Variants in TTLL6 observed in about 807,000 individuals in gnomAD.
TTLL6 encodes the protein tubulin tyrosine ligase like 6.
A neutral mutation model predicts 96.4 loss-of-function variants in TTLL6; 75 were observed. The observed-to-expected ratio is 0.78, with a 90% CI of 0.65 to 0.94. The LOEUF (loss-of-function observed/expected upper bound fraction) is 0.94. Ranked by LOEUF, TTLL6 falls within the 40% of genes least tolerant of loss-of-function variation. The pLI, the probability that TTLL6 is intolerant of heterozygous loss-of-function variation, is 0.00. For missense variants in TTLL6, 1,030 were observed against 1,093.0 expected (o/e 0.94, Z 0.81); for synonymous variants, 411 against 419.4 (o/e 0.98, Z 0.24).
chr17:48,769,326 C>T, intron 14 of TTLL6, 72 bp from the exon 15 acceptor site: 1 of 1,514,388 alleles, frequency 6.6e-7, no homozygotes, highest in East Asian at 2.3e-5. Context: ...GTGAAGACCA[C>T]CTCCCAGTAG....
At chr17:48,780,559 G>A (rs2038966336) in intron 13 of TTLL6, among the ~76,000 whole-genome samples, 1 of 152,196 alleles carries the variant, frequency 6.6e-6, no homozygotes, top group African/African-American at 2.4e-5. Context: ...TCTATATGTA[G>A]TAGTGTTAAC....
chr17:48,787,811 C>T lies in TTLL6; in HGVS notation c.1589G>A (p.Arg530Gln), dbSNP rs374777398. The change falls in exon 11 of 16, where the codon CGG (arginine) becomes CAG (glutamine). Residue 530 changes from arginine (R) to glutamine (Q), a missense_variant and splice_region_variant. Arg to Gln is a conservative substitution (Grantham distance 43). Transcript: ENST00000393382. Reference protein sequence around the residue: ...VASRAREEYARQLIQELRLKR... With the variant: ...VASRAREEYAQQLIQELRLKR... The stretch of plus-strand genomic sequence containing the variant: ...GACCTCATCCCGGATGTCTTCCTAC[C>T]GGGCATACTCCTCCCGAGCCCTGGA... 3.2e-5 allele frequency: 52 copies of T among 1,612,870 alleles called. No homozygotes were observed. The highest frequency in any genetic ancestry group is 6.7e-5 in the African/African-American group (5 of 74,914).
chr17:48,802,803 G>C (rs1427475806), intron 3 of TTLL6, among the ~76,000 whole-genome samples: 1 of 151,880 alleles, frequency 6.6e-6, no homozygotes. Flanking sequence ...CCCGGGAGGC[G>C]AAGGTTGCAG....
At chr17:48,810,941 C>T (rs2039582033) in intron 1 of TTLL6, among the ~76,000 whole-genome samples, 1 of 148,890 alleles carries the variant, frequency 6.7e-6, no homozygotes, top group African/African-American at 2.5e-5. Flanking sequence ...TTCCTTCATG[C>T]CAGCAATCAA....
At chr17:48,779,638 CCAAA>C (rs1056748279) in intron 13 of TTLL6, among the ~76,000 whole-genome samples, 1 of 151,976 alleles carries the variant, frequency 6.6e-6, no homozygotes, top group Non-Finnish European at 1.5e-5. Context: ...AAATAAACAA[CCAAA>C]CAAACAAAAA....
chr17:48,769,006 C>A lies in TTLL6; in HGVS notation c.2659G>T (p.Gly887Ter), dbSNP rs149164998. Residue 887 changes from glycine to a stop codon, truncating the protein, a stop_gained, in exon 15 of 16, where the codon GGA (glycine) becomes TGA (stop). Coordinates refer to ENST00000393382, the MANE Select transcript of TTLL6 (RefSeq NM_001130918.3). LOFTEE classifies it high-confidence loss of function. The part of the protein sequence containing the change: ...YSHCLISGQK[G>*]CERS Reference sequence around the variant, plus strand: ...GGGCCTACCTAGCTCCTCTCACATCCTTTTTGGCCAGAGATCAGGCAATGG... The same window carrying A: ...GGGCCTACCTAGCTCCTCTCACATCATTTTTGGCCAGAGATCAGGCAATGG... 1 of 1,613,978 alleles carries A rather than the reference C, an allele frequency of 6.2e-7. No homozygotes were observed. Among genetic ancestry groups the A allele is most frequent in the African/African-American group, 1.3e-5 (1 of 74,926 alleles).
intron 13 of TTLL6, among the ~76,000 whole-genome samples, chr17:48,784,594 A>T (rs2039051661): frequency 6.6e-6 from 1 of 152,154 alleles, no homozygotes; most frequent in African/African-American, 2.4e-5. Context: ...GGTCCTGCCA[A>T]CACCTTGGTT....
intron 13 of TTLL6, among the ~76,000 whole-genome samples, chr17:48,783,563 C>T (rs1001291547): frequency 1.3e-5 from 2 of 152,042 alleles, no homozygotes; most frequent in African/African-American, 4.8e-5. Flanking sequence ...TCCCAAGTAG[C>T]TGAAATTACA....
At chr17:48,814,080 A>C (rs550565711) in intron 1 of TTLL6, among the ~76,000 whole-genome samples, 109 of 152,280 alleles carry the variant, frequency 7.2e-4, no homozygotes, top group African/African-American at 1.9e-3. Flanking sequence ...GCACTTTGGG[A>C]GGCCAAGGCA....
At chr17:48,772,124 A>G (rs2038759982) in intron 13 of TTLL6, among the ~76,000 whole-genome samples, 2 of 151,882 alleles carry the variant, frequency 1.3e-5, no homozygotes, top group African/African-American at 4.8e-5. Context: ...TATGCAAAAA[A>G]AGAAAAGAAA....
intron 6 of TTLL6, 104 bp downstream of exon 6, chr17:48,799,500 A>G: frequency 1.6e-6 from 2 of 1,255,988 alleles, no homozygotes; most frequent in Non-Finnish European, 2.2e-6. Context: ...GGTCAGCTCC[A>G]CCTCCACCTT....
Position 48,801,586 on chromosome 17 carries a change from G to C in TTLL6, c.419C>G (p.Thr140Ser), listed in dbSNP as rs1489612118. Residue 140 changes from threonine to serine, a missense_variant, in exon 4 of 16, where the codon ACT (threonine) becomes AGT (serine). Transcript: ENST00000393382. ...CACTGAGTAATCTGTCCAATAGAGA[G>C]TCCAGTCATCGTCTTCCCCTCCCTC... ...FREGGEDDDW[T>S]LYWTDYSVSL... The C allele has an allele frequency of 5.8e-6, 9 of 1,551,658 alleles. No homozygotes were observed. The Admixed American group carries it at 1.4e-4, about 24-fold the overall frequency.
intron 6 of TTLL6, among the ~76,000 whole-genome samples, chr17:48,799,323 C>T (rs1373486617): frequency 6.6e-6 from 1 of 152,236 alleles, no homozygotes; most frequent in Admixed American, 6.5e-5. Flanking sequence ...TGAGGGCTTC[C>T]CCAAACCAAA....
intron 3 of TTLL6, 24 bp from the exon 4 acceptor site, chr17:48,801,667 T>A (rs1221306342): frequency 2.0e-6 from 3 of 1,505,656 alleles, no homozygotes; most frequent in South Asian, 1.2e-5. Context: ...AAAGGCCTAT[T>A]AGCCCAGGAA....
Position 48,801,288 on chromosome 17 carries a change from C to G in TTLL6, c.578G>C (p.Arg193Pro). Residue 193 changes from arginine to proline, a missense_variant, in exon 5 of 16, where the codon CGC becomes CCC. Transcript: ENST00000393382. ...RMLKMFPKDF[R>P]FFPRTWCLPA... ...AAGACACCAGGTCCTAGGGAAAAAG[C>G]GGAAATCTTTAGGGAACATCTTTAA... The G allele has an allele frequency of 6.4e-7, 1 of 1,551,610 alleles. No individual in the cohort carries two copies. The highest frequency in any genetic ancestry group is 2.4e-5 in the East Asian group (1 of 40,918).
chr17:48,774,348 G>C (rs1027557004), intron 13 of TTLL6, among the ~76,000 whole-genome samples: 1 of 146,090 alleles, frequency 6.8e-6, no homozygotes, highest in Non-Finnish European at 1.5e-5. Flanking sequence ...TATTTTAGTA[G>C]AGACGGGGTT....
At chr17:48,776,312 T>A (rs1421426719) in intron 13 of TTLL6, among the ~76,000 whole-genome samples, 3 of 151,934 alleles carry the variant, frequency 2.0e-5, no homozygotes, top group African/African-American at 7.2e-5. Context: ...TAAAATAAAA[T>A]AAAAAAATTA....
At chr17:48,802,916 T>C (rs1253389034) in intron 3 of TTLL6, among the ~76,000 whole-genome samples, 4 of 151,366 alleles carry the variant, frequency 2.6e-5, no homozygotes, top group African/African-American at 9.7e-5. Flanking sequence ...ATGCCTGTAA[T>C]CCCAACACTC....
chr17:48,795,288 T>C (rs1238904387), intron 8 of TTLL6, among the ~76,000 whole-genome samples: 1 of 145,464 alleles, frequency 6.9e-6, no homozygotes, highest in Non-Finnish European at 1.5e-5. Context: ...ATCGCACCAC[T>C]GCACTCCAGC....
Sources: allele counts gnomAD v4.1 joint callset (sites outside exome capture counted in the v4.1 genomes callset), GRCh38; gene constraint gnomAD v4.1.1; transcripts MANE v1.5; gene names NCBI Gene and HGNC (gene_info 2026-07-23, HGNC 2026-07-21).